PWWP3B: variants seen among roughly 807,000 people sequenced by gnomAD.
PWWP3B encodes the protein PWWP domain-containing DNA repair factor 3B.
Under a neutral mutation model 15.7 loss-of-function variants are expected in PWWP3B, and 5 were observed. That is an observed-to-expected ratio of 0.32 (90% CI 0.17 to 0.67). The LOEUF (loss-of-function observed/expected upper bound fraction) is 0.67. PWWP3B is among the 30% of genes least tolerant of loss of function. The pLI, the probability that PWWP3B is intolerant of heterozygous loss-of-function variation, is 0.74. For synonymous variants in PWWP3B, 203 were observed against 179.8 expected (o/e 1.13, Z -1.03); for missense variants, 519 against 493.1 (o/e 1.05, Z -0.50).
At chrX:106,171,460 C>A (rs949835469) in intron 2 of PWWP3B, among the ~76,000 whole-genome samples, 1 of 111,578 alleles carries the variant, frequency 9.0e-6, no homozygotes, top group Admixed American at 9.5e-5. Context: ...TCCTTGACAA[C>A]TATACTAGGT....
chrX:106,207,706 C>T lies in PWWP3B; in HGVS notation c.*183C>T, dbSNP rs1924127430. On this transcript the variant is annotated 3_prime_UTR_variant, in exon 4 of 4. Transcript: ENST00000357175. The stretch of plus-strand genomic sequence containing the variant: ...ATCTTTATTTCCTTTTCTTGCGCTT[C>T]TTCAAAGTTAATTTTGTCAACATAT... 2.6e-6 allele frequency: 1 copy of T among 392,030 alleles called. No homozygotes were observed. Among genetic ancestry groups the T allele is most frequent in the African/African-American group, 2.6e-5 (1 of 38,719 alleles). The allele number at this position is 392,030 out of a possible 1,213,427, so 32.3% of individuals were successfully genotyped here. A position where few individuals can be genotyped will look rare whatever the true frequency, so the allele number is the denominator to read the frequency against.
In PWWP3B at chrX:106,194,370, G is replaced by A. The variant is rs190941468; in HGVS notation, c.-400-9615G>A. The stretch of plus-strand genomic sequence containing the variant: ...CTTCTGCATTTGTCATGTAGCTCTC[G>A]TGCCTTGGTTTTCCGCTCCATCAGG... On this transcript the variant is annotated intron_variant, in intron 2 of 3. Transcript: ENST00000357175. Among the ~76,000 whole-genome samples, 168 of 111,843 alleles carry A rather than the reference G, an allele frequency of 1.5e-3. 1 individual carries two copies. The East Asian group carries it at 0.015, about 10-fold the overall frequency.
intron 2 of PWWP3B, among the ~76,000 whole-genome samples, chrX:106,194,106 A>C (rs1326957078): frequency 9.0e-6 from 1 of 111,675 alleles, no homozygotes; most frequent in Non-Finnish European, 1.9e-5. Flanking sequence ...AGATTGGGGA[A>C]GTTCTCCTGG....
intron 2 of PWWP3B, among the ~76,000 whole-genome samples, chrX:106,191,946 T>A (rs1425674166): frequency 8.9e-6 from 1 of 111,942 alleles, no homozygotes; most frequent in Non-Finnish European, 1.9e-5. Flanking sequence ...GATTTGCCAG[T>A]ATTTTTTTGA....
chrX:106,191,859 G>A (rs1232285666), intron 2 of PWWP3B, among the ~76,000 whole-genome samples: 1 of 111,898 alleles, frequency 8.9e-6, no homozygotes, highest in African/African-American at 3.3e-5. Context: ...ATTTGTGTAT[G>A]TTGAACCATT....
At chrX:106,189,193 T>C (rs931158506) in intron 2 of PWWP3B, among the ~76,000 whole-genome samples, 1 of 112,236 alleles carries the variant, frequency 8.9e-6, no homozygotes, top group Non-Finnish European at 1.9e-5. Flanking sequence ...ATTTTTAATA[T>C]TAGCTATTCC....
intron 2 of PWWP3B, among the ~76,000 whole-genome samples, chrX:106,202,087 C>T (rs759036270): frequency 1.8e-5 from 2 of 111,581 alleles, no homozygotes; most frequent in Non-Finnish European, 3.8e-5. Flanking sequence ...AATATTTAGG[C>T]ATTTATTAAT....
At chrX:106,175,444 G>A (rs1006779057) in intron 2 of PWWP3B, among the ~76,000 whole-genome samples, 25 of 109,186 alleles carry the variant, frequency 2.3e-4, no homozygotes, top group Non-Finnish European at 4.4e-4. Context: ...GTTTCACCGT[G>A]TTAGCCAGGA....
At chrX:106,181,424 C>T (rs1163825169) in intron 2 of PWWP3B, among the ~76,000 whole-genome samples, 2 of 111,609 alleles carry the variant, frequency 1.8e-5, no homozygotes, top group African/African-American at 6.5e-5. Flanking sequence ...CTGATTGGTG[C>T]GTTTACAATC....
chrX:106,170,421 TATG>T (rs1921555273), intron 1 of PWWP3B, among the ~76,000 whole-genome samples: 1 of 111,896 alleles, frequency 8.9e-6, no homozygotes, highest in Non-Finnish European at 1.9e-5. Flanking sequence ...ATGAGAACAT[TATG>T]ATCCCATTTT....
intron 2 of PWWP3B, among the ~76,000 whole-genome samples, chrX:106,188,143 A>G (rs1326063990): frequency 9.0e-6 from 1 of 111,647 alleles, no homozygotes; most frequent in African/African-American, 3.3e-5. Flanking sequence ...GTTTCTTGAC[A>G]TATGTCCTGT....
chrX:106,169,472 G>C (rs1438455232), intron 1 of PWWP3B, among the ~76,000 whole-genome samples: 3 of 111,313 alleles, frequency 2.7e-5, no homozygotes, highest in Non-Finnish European at 3.8e-5. Context: ...AGCTGAAAAG[G>C]GAATAATCAC....
chrX:106,173,392 A>AC lies in PWWP3B; in HGVS notation c.-401+2260dup, dbSNP rs1220517613. Among the ~76,000 whole-genome samples, 15 of 110,552 alleles carry AC rather than the reference A, an allele frequency of 1.4e-4. No homozygotes were observed. In the South Asian group the frequency reaches 1.5e-3, roughly 11 times the overall value. On this transcript the variant is annotated intron_variant, in intron 2 of 3. Transcript: ENST00000357175. ...GTGTTATAATACTTCTCTTTTTTGT[A>AC]CCCCCCCAAATATATTCCACACATC...
At chrX:106,192,344 A>G (rs1284296420) in intron 2 of PWWP3B, among the ~76,000 whole-genome samples, 6 of 111,752 alleles carry the variant, frequency 5.4e-5, no homozygotes, top group Admixed American at 1.9e-4. Context: ...TGTTTATAGT[A>G]TTCTCTGATG....
Position 106,207,430 on chromosome X carries a change from A to G in PWWP3B, c.1998A>G (p.Lys666=), listed in dbSNP as rs1363279851. 8.6e-7 allele frequency: 1 copy of G among 1,166,247 alleles called. No individual in the cohort carries two copies. The highest frequency in any genetic ancestry group is 1.8e-5 in the African/African-American group (1 of 55,903). ...AGGCAGCTGAAGCAAAGTATCTAAAAGGACCATGTCTAGGCTACAGGGAAA... is the reference window on the plus strand; with the variant it reads ...AGGCAGCTGAAGCAAAGTATCTAAAGGGACCATGTCTAGGCTACAGGGAAA... ...DYEAAEAKYL[K]GPCLGYRERE... Residue 666 remains lysine (K), a synonymous_variant, in exon 4 of 4, where the codon AAA becomes AAG. Coordinates refer to ENST00000357175, the MANE Select transcript of PWWP3B (RefSeq NM_001171020.2).
chrX:106,207,253 T>G lies in PWWP3B; in HGVS notation c.1821T>G (p.Asp607Glu). 3 of 1,210,553 alleles carry G rather than the reference T, an allele frequency of 2.5e-6. No homozygotes were observed. Among genetic ancestry groups the G allele is most frequent in the Non-Finnish European group, 2.2e-6 (2 of 894,889 alleles). The part of the protein sequence containing the change: ...ETYFEDEDQL[D>E]EVVKYLQEVC... ...ACTTTGAGGATGAAGATCAGTTGGA[T>G]GAAGTGGTGAAATATTTACAAGAAG... The change falls in exon 4 of 4, where the codon GAT becomes GAG. Residue 607 changes from aspartate to glutamate, a missense_variant. Asp to Glu is a conservative substitution (Grantham distance 45). Coordinates refer to ENST00000357175, the MANE Select transcript of PWWP3B (RefSeq NM_001171020.2).
At chrX:106,192,507 G>A (rs1404036011) in intron 2 of PWWP3B, among the ~76,000 whole-genome samples, 14 of 109,313 alleles carry the variant, frequency 1.3e-4, no homozygotes, top group African/African-American at 4.6e-4. Flanking sequence ...TGGATTCATT[G>A]ATTTTTTGAA....
chrX:106,174,292 G>A (rs1921773126), intron 2 of PWWP3B, among the ~76,000 whole-genome samples: 1 of 111,516 alleles, frequency 9.0e-6, no homozygotes, highest in South Asian at 3.7e-4. Context: ...AACAAATGGG[G>A]TTGTGAGGGC....
intron 2 of PWWP3B, among the ~76,000 whole-genome samples, chrX:106,198,827 A>T: frequency 9.0e-6 from 1 of 111,107 alleles, no homozygotes; most frequent in East Asian, 2.8e-4. Flanking sequence ...AAAAATTTTA[A>T]CATAATTATC....
Sources: gnomAD v4.1 joint callset for allele counts (sites outside exome capture counted in the v4.1 genomes callset) on GRCh38, gnomAD v4.1.1 for gene constraint, MANE v1.5 for transcripts, NCBI Gene and HGNC (gene_info 2026-07-23, HGNC 2026-07-21) for gene names.